Variants in LARP1B observed in about 807,000 individuals in gnomAD.
LARP1B encodes la-related protein 1B.
In LARP1B, 76 loss-of-function variants were observed where a neutral mutation model predicts 114.2. The observed-to-expected ratio is 0.67, with a 90% CI of 0.55 to 0.81. The LOEUF (loss-of-function observed/expected upper bound fraction) is 0.81, where lower values mean the gene tolerates loss of function less well. LARP1B is among the 30% of genes least tolerant of loss of function. The probability of loss-of-function intolerance (pLI) is 0.00; values close to 1 mark genes in which losing one functional copy is unlikely to be tolerated. For synonymous variants in LARP1B, 345 were observed against 348.0 expected, an observed-to-expected ratio of 0.99 and a Z score of 0.10; for missense variants, 1,014 against 1,075.8, an observed-to-expected ratio of 0.94 and a Z score of 0.80.
At chr4:128,099,785 A>G (rs1779615680) in intron 8 of LARP1B, among the ~76,000 whole-genome samples, 1 of 152,106 alleles carries the variant, frequency 6.6e-6, no homozygotes, top group Admixed American at 6.6e-5. Flanking sequence ...GCTGGAAAGT[A>G]TAGTAAGTAT....
At chr4:128,216,659 A>C (rs1759501311), downstream of LARP1B, among the ~76,000 whole-genome samples, 1 of 149,512 alleles carries the variant, frequency 6.7e-6, no homozygotes, top group Non-Finnish European at 1.5e-5. Flanking sequence ...GTAGAGGGAA[A>C]TTTATAGCAC....
chr4:128,100,358 C>T lies in LARP1B; in HGVS notation c.813+2028C>T, dbSNP rs1447106195. Among the ~76,000 whole-genome samples the T allele has an allele frequency of 2.6e-5, 4 of 152,172 alleles. No homozygotes were observed. In the East Asian group the frequency reaches 5.8e-4, roughly 22 times the overall value. Reference sequence around the variant, plus strand: ...TGCGATCTTGGCTCACTGCAACCTCCACCTCCTGGGTTCAAGTGATTCTCC... The same window carrying T: ...TGCGATCTTGGCTCACTGCAACCTCTACCTCCTGGGTTCAAGTGATTCTCC... On this transcript the variant is annotated intron_variant, in intron 8 of 19. Coordinates refer to ENST00000326639, the MANE Select transcript of LARP1B (RefSeq NM_018078.4).
chr4:128,181,548 C>T (rs149098935), intron 15 of LARP1B, among the ~76,000 whole-genome samples: 23 of 152,032 alleles, frequency 1.5e-4, no homozygotes, highest in African/African-American at 5.5e-4. Context: ...TATAATGATC[C>T]TATTTTATCT....
chr4:128,201,863 CAT>C (rs1406340120), intron 17 of LARP1B, among the ~76,000 whole-genome samples: 1 of 152,150 alleles, frequency 6.6e-6, no homozygotes, highest in East Asian at 1.9e-4. Flanking sequence ...TTCATTCAAT[CAT>C]ATTTACCTAA....
At chr4:128,181,180 C>CTTTT (rs70966086) in intron 15 of LARP1B, among the ~76,000 whole-genome samples, 6 of 129,998 alleles carry the variant, frequency 4.6e-5, no homozygotes, top group African/African-American at 5.5e-5. Flanking sequence ...CTCATCCATT[C>CTTTT]TTTTTTTTTT....
chr4:128,083,864 ACGGGGTGGCTGCCGGG>A (rs1461922573), intron 5 of LARP1B, among the ~76,000 whole-genome samples: 11 of 149,526 alleles, frequency 7.4e-5, no homozygotes, highest in African/African-American at 2.7e-4. Flanking sequence ...CACTTCCCAG[ACGGGGTGGCTGCCGGG>A]CAGAGGGGCT....
intron 11 of LARP1B, among the ~76,000 whole-genome samples, chr4:128,158,397 TG>T (rs1472687365): frequency 6.6e-6 from 1 of 152,042 alleles, no homozygotes; most frequent in African/African-American, 2.4e-5. Context: ...AATATTTCAG[TG>T]GGGAAGATTT....
chr4:128,082,347 T>TA, intron 5 of LARP1B, 42 bp downstream of exon 5: 1 of 1,565,704 alleles, frequency 6.4e-7, no homozygotes, highest in East Asian at 2.2e-5. Flanking sequence ...AGGAAAGACT[T>TA]AGTCTTAATG....
intron 5 of LARP1B, among the ~76,000 whole-genome samples, chr4:128,088,099 A>G (rs899555828): frequency 5.3e-5 from 8 of 152,004 alleles, no homozygotes; most frequent in African/African-American, 1.9e-4. Context: ...GGCTGAGGTA[A>G]GGAGGATTGC....
chr4:128,101,347 T>C (rs908124729), intron 8 of LARP1B, among the ~76,000 whole-genome samples: 1 of 151,596 alleles, frequency 6.6e-6, no homozygotes, highest in Non-Finnish European at 1.5e-5. Flanking sequence ...GTGACGTGCC[T>C]GTAATCCCAG....
intron 7 of LARP1B, among the ~76,000 whole-genome samples, chr4:128,096,228 C>T (rs1301383609): frequency 1.3e-5 from 2 of 151,916 alleles, no homozygotes; most frequent in South Asian, 2.1e-4. Context: ...CTTCTGACCT[C>T]GTGATCCGCC....
At chr4:128,122,438 G>GTTTTTTTTTTTTTTTTGTTTTT in intron 11 of LARP1B, 1 of 1,189,000 alleles carries the variant, frequency 8.4e-7, no homozygotes, top group Non-Finnish European at 1.1e-6. Context: ...TTATACCCTT[G>GTTTTTTTTTTTTTTTTGTTTTT]TTTTTTTTTT....
rs1760029479 is a variant in LARP1B at position 128,061,368 on chromosome 4, G to A, written c.-111G>A. On this transcript the variant is annotated 5_prime_UTR_variant, in exon 1 of 20. Transcript: ENST00000326639. ...AACTCGGGTAAAGCTCCTCGGCCTC[G>A]GCGTGCTGCGCCTCCGCGGCTGCCC... 2 of 152,266 alleles carry A rather than the reference G, an allele frequency of 1.3e-5. No homozygotes were observed. The highest frequency in any genetic ancestry group is 2.9e-5 in the Non-Finnish European group (2 of 68,224). 9.4% of individuals were successfully genotyped at this position (152,266 alleles called of 1,614,324 possible). A position where few individuals can be genotyped will look rare whatever the true frequency, so the allele number is the denominator to read the frequency against.
chr4:128,069,183 T>C (rs1764229482), intron 1 of LARP1B: 1 of 1,098,156 alleles, frequency 9.1e-7, no homozygotes. Flanking sequence ...GGTGATCCAT[T>C]GGGTGTCAGG....
At chr4:128,061,879 G>T (rs1760243095) in intron 1 of LARP1B, 1 of 984,998 alleles carries the variant, frequency 1.0e-6, no homozygotes, top group Non-Finnish European at 1.2e-6. Flanking sequence ...CTGGGGCGCG[G>T]GGAGAGCCGT....
intron 11 of LARP1B, among the ~76,000 whole-genome samples, chr4:128,127,122 A>G (rs1432140861): frequency 6.6e-6 from 1 of 152,236 alleles, no homozygotes; most frequent in Admixed American, 6.5e-5. Flanking sequence ...TCAACTGATA[A>G]TTGTAGGCCT....
intron 12 of LARP1B, 34 bp downstream of exon 12, chr4:128,162,351 T>G (rs1738875973): frequency 6.3e-7 from 1 of 1,597,084 alleles, no homozygotes. Flanking sequence ...AGTGTCTGAA[T>G]AGTATTAAAG....
chr4:128,219,358 C>A (rs1300576499), intron 6 of LARP1B, among the ~76,000 whole-genome samples: 1 of 82,038 alleles, frequency 1.2e-5, no homozygotes, highest in East Asian at 3.8e-4. Context: ...ATGTTTATTG[C>A]GGCATTATTC....
chr4:128,156,991 T>C (rs746333553), intron 11 of LARP1B, among the ~76,000 whole-genome samples: 1 of 150,368 alleles, frequency 6.7e-6, no homozygotes, highest in Non-Finnish European at 1.5e-5. Flanking sequence ...CTTTTAGTAA[T>C]AGTGTCTGAT....
Sources: allele counts gnomAD v4.1 joint callset (sites outside exome capture counted in the v4.1 genomes callset), GRCh38; gene constraint gnomAD v4.1.1; transcripts MANE v1.5; gene names NCBI Gene and HGNC (gene_info 2026-07-23, HGNC 2026-07-21).